The following CRTAC1 variants were observed in gnomAD, a reference collection of about 807,000 sequenced individuals.
CRTAC1 encodes the protein acidic secreted protein in cartilage.
A neutral mutation model predicts 67.8 loss-of-function variants in CRTAC1; 37 were observed. The observed-to-expected ratio is 0.55, with a 90% confidence interval of 0.42 to 0.72. The LOEUF is 0.72. CRTAC1 is among the 30% of genes least tolerant of loss of function. The pLI is 0.00. For synonymous variants in CRTAC1, 348 were observed against 371.0 expected (o/e 0.94, Z 0.71); for missense variants, 780 against 931.6 (o/e 0.84, Z 2.12).
chr10:97,983,142 A>C (rs1317662803), intron 2 of CRTAC1, among the ~76,000 whole-genome samples: 6 of 152,246 alleles, frequency 3.9e-5, no homozygotes, highest in Non-Finnish European at 1.5e-5. Flanking sequence ...GGTGATGCCC[A>C]CTACAGGGAG....
chr10:97,934,144 TCTC>T (rs2051045116), intron 3 of CRTAC1, among the ~76,000 whole-genome samples: 2 of 152,086 alleles, frequency 1.3e-5, no homozygotes, highest in Admixed American at 1.3e-4. Flanking sequence ...CTTCCAAAGT[TCTC>T]CTCGCTCCAG....
chr10:97,978,383 A>T (rs2051839997), intron 2 of CRTAC1, among the ~76,000 whole-genome samples: 1 of 152,044 alleles, frequency 6.6e-6, no homozygotes, highest in Non-Finnish European at 1.5e-5. Flanking sequence ...AGTTTTTTTC[A>T]TACAAAGAAT....
chr10:97,978,300 A>T (rs1458775782), intron 2 of CRTAC1, among the ~76,000 whole-genome samples: 4 of 152,096 alleles, frequency 2.6e-5, no homozygotes, highest in Non-Finnish European at 5.9e-5. Flanking sequence ...AGTGCTTCAG[A>T]AGCACTGCTT....
chr10:97,908,936 C>T (rs2050651635), intron 5 of CRTAC1, among the ~76,000 whole-genome samples: 1 of 152,194 alleles, frequency 6.6e-6, no homozygotes, highest in Non-Finnish European at 1.5e-5. Context: ...AAGCTGTGAA[C>T]ACTGGCTACC....
chr10:97,995,383 G>C lies in CRTAC1; in HGVS notation c.224+15755C>G, dbSNP rs184274078. On this transcript the variant is annotated intron_variant, in intron 2 of 14. Coordinates refer to ENST00000370597, the MANE Select transcript of CRTAC1 (RefSeq NM_018058.7). ...TAGAACTCTTTCTATTTTGCAAGAA[G>C]AGAGTTCGAGCATCTCTGAAAAGCT... 2.6e-3 allele frequency among the ~76,000 whole-genome samples: 390 copies of C among 152,290 alleles called. 6 individuals carry two copies. Among genetic ancestry groups the C allele is most frequent in the Non-Finnish European group, 3.4e-4 (23 of 68,020 alleles).
At chr10:98,028,583 C>T (rs951094601) in intron 1 of CRTAC1, among the ~76,000 whole-genome samples, 2 of 152,162 alleles carry the variant, frequency 1.3e-5, no homozygotes, top group South Asian at 4.1e-4. Flanking sequence ...AGCCATAGGA[C>T]GTCTTAACCA....
chr10:97,980,015 G>A (rs1171493239), intron 2 of CRTAC1, among the ~76,000 whole-genome samples: 2 of 152,190 alleles, frequency 1.3e-5, no homozygotes, highest in East Asian at 3.8e-4. Flanking sequence ...TTTTAACCAA[G>A]CTTGGGACAC....
At chr10:97,944,489 G>C (rs2051232429) in intron 2 of CRTAC1, among the ~76,000 whole-genome samples, 1 of 152,110 alleles carries the variant, frequency 6.6e-6, no homozygotes, top group Non-Finnish European at 1.5e-5. Flanking sequence ...TCTCTAAACA[G>C]GGATTTAATC....
intron 2 of CRTAC1, among the ~76,000 whole-genome samples, chr10:97,959,515 G>C (rs557698242): frequency 6.6e-6 from 1 of 152,338 alleles, no homozygotes; most frequent in African/African-American, 2.4e-5. Flanking sequence ...ACAGGGCCTT[G>C]AGGCCCTGAG....
At chr10:97,934,642 C>A (rs778129714) in intron 3 of CRTAC1, among the ~76,000 whole-genome samples, 20 of 152,072 alleles carry the variant, frequency 1.3e-4, no homozygotes, top group Non-Finnish European at 2.9e-5. Flanking sequence ...GGGTGGGGAG[C>A]GGAGCACAAG....
intron 2 of CRTAC1, among the ~76,000 whole-genome samples, chr10:97,962,554 CT>C (rs2051543028): frequency 1.3e-5 from 2 of 152,216 alleles, no homozygotes; most frequent in Non-Finnish European, 2.9e-5. Flanking sequence ...AACAGATGCT[CT>C]GAAGACTGGC....
In CRTAC1 at chr10:98,030,413, C is replaced by T. The variant is rs1233176499; in HGVS notation, c.24+36G>A. ...CGCGCAGAGCTGGAGAAACTTTCTC[C>T]GCCTTAGGGTGGGGGGCACCGGTGC... On this transcript the variant is annotated intron_variant, in intron 1 of 14. Coordinates refer to ENST00000370597, the MANE Select transcript of CRTAC1 (RefSeq NM_018058.7). This position sits in a 1 kb window ranked among gnomAD's most constrained non-coding sequence, Gnocchi z 4.2. The T allele has an allele frequency of 2.4e-6, 3 of 1,235,454 alleles. No homozygotes were observed. The highest frequency in any genetic ancestry group is 3.1e-6 in the Non-Finnish European group (3 of 976,188). The allele number at this position is 1,235,454 out of a possible 1,614,324, so 76.5% of individuals were successfully genotyped here. A position where few individuals can be genotyped will look rare whatever the true frequency, so the allele number is the denominator to read the frequency against.
chr10:97,927,997 A>G (rs1456748092), intron 3 of CRTAC1, among the ~76,000 whole-genome samples: 1 of 152,216 alleles, frequency 6.6e-6, no homozygotes, highest in African/African-American at 2.4e-5. Flanking sequence ...CTGCTCGGGA[A>G]GAGGTGAGAC....
At chr10:98,009,600 T>C (rs1317796601) in intron 2 of CRTAC1, among the ~76,000 whole-genome samples, 1 of 152,214 alleles carries the variant, frequency 6.6e-6, no homozygotes, top group Non-Finnish European at 1.5e-5. Context: ...AGATACTAGG[T>C]TGGCTACGGT....
chr10:97,940,576 G>A (rs923718792), intron 2 of CRTAC1, among the ~76,000 whole-genome samples: 1 of 152,244 alleles, frequency 6.6e-6, no homozygotes. Context: ...CGTGCTGTGA[G>A]AGCCATCCCA....
chr10:97,886,580 A>T (rs2050288374), intron 11 of CRTAC1, among the ~76,000 whole-genome samples: 1 of 152,056 alleles, frequency 6.6e-6, no homozygotes, highest in Non-Finnish European at 1.5e-5. Flanking sequence ...ATCTACAAGA[A>T]TTCCTTCTGC....
chr10:97,869,088 C>A (rs1038249388), intron 14 of CRTAC1: 2 of 152,258 alleles, frequency 1.3e-5, no homozygotes, highest in Admixed American at 6.5e-5. Flanking sequence ...GAAGACAGAT[C>A]CAGCCTCAGA....
At chr10:98,011,375 G>C in intron 1 of CRTAC1, 38 bp from the exon 2 acceptor site, 1 of 1,610,664 alleles carries the variant, frequency 6.2e-7, no homozygotes, top group Non-Finnish European at 8.5e-7. Context: ...GAAAGAACCT[G>C]TAACCAAAGC....
intron 3 of CRTAC1, among the ~76,000 whole-genome samples, chr10:97,935,540 T>C (rs1488939959): frequency 6.6e-6 from 1 of 152,040 alleles, no homozygotes; most frequent in Non-Finnish European, 1.5e-5. Context: ...GCACAAGACC[T>C]CTAGGGGATT....
Sources: allele counts gnomAD v4.1 joint callset (sites outside exome capture counted in the v4.1 genomes callset), GRCh38; gene constraint gnomAD v4.1.1; non-coding constraint Gnocchi (gnomAD v3.1); transcripts MANE v1.5; gene names NCBI Gene and HGNC (gene_info 2026-07-23, HGNC 2026-07-21).